The following GABRB3 variants were observed in gnomAD, a reference collection of about 807,000 sequenced individuals.
GABRB3 encodes gamma-aminobutyric acid type A receptor subunit beta3, also known as gamma-aminobutyric acid receptor subunit beta-3.
In GABRB3, 14 loss-of-function variants were observed where a neutral mutation model predicts 52.1. That is an observed-to-expected ratio of 0.27 (90% CI 0.18 to 0.42). GABRB3 has a LOEUF of 0.42. Ranked by LOEUF, GABRB3 falls within the 10% of genes least tolerant of loss-of-function variation. The pLI, the probability that GABRB3 is intolerant of heterozygous loss-of-function variation, is 1.00. For missense variants in GABRB3, 307 were observed against 609.1 expected, an observed-to-expected ratio of 0.50 and a Z score of 5.22; for synonymous variants, 260 against 232.3, an observed-to-expected ratio of 1.12 and a Z score of -1.08.
chr15:26,654,391 C>T (rs192958492), intron 3 of GABRB3, among the ~76,000 whole-genome samples: 3,679 of 152,256 alleles, frequency 0.024, 60 homozygotes, highest in African/African-American at 0.041. Flanking sequence ...TGTGATCTGC[C>T]TGCCTTGGCC....
chr15:26,680,580 T>G (rs972402295), intron 3 of GABRB3, among the ~76,000 whole-genome samples: 2 of 152,224 alleles, frequency 1.3e-5, no homozygotes, highest in African/African-American at 2.4e-5. Context: ...TGCTTACCTT[T>G]CAGAGTAAAA....
intron 3 of GABRB3, among the ~76,000 whole-genome samples, chr15:26,667,224 C>CA (rs1887744244): frequency 6.6e-6 from 1 of 152,214 alleles, no homozygotes; most frequent in South Asian, 2.1e-4. Context: ...CGATTCCAGC[C>CA]AAAGTCTCCA....
At chr15:26,663,185 C>T (rs1356026968) in intron 3 of GABRB3, among the ~76,000 whole-genome samples, 1 of 152,100 alleles carries the variant, frequency 6.6e-6, no homozygotes, top group African/African-American at 2.4e-5. Flanking sequence ...CCTCGTGACC[C>T]CCTTCATAGC....
At chr15:26,746,995 TAAACAAAC>T (rs200868578) in intron 3 of GABRB3, among the ~76,000 whole-genome samples, 15 of 142,414 alleles carry the variant, frequency 1.1e-4, no homozygotes, top group Non-Finnish European at 1.4e-4. Flanking sequence ...TCAAAATAAA[TAAACAAAC>T]AAACAAACAA....
rs367761610 is a variant in GABRB3 at position 26,621,454 on chromosome 15, C to A, written c.321G>T (p.Thr107=). Residue 107 remains threonine (T), a synonymous_variant, in exon 4 of 9, where the codon ACG becomes ACT. Coordinates refer to ENST00000311550, the MANE Select transcript of GABRB3 (RefSeq NM_000814.6). This position sits in a 1 kb window ranked among gnomAD's most constrained non-coding sequence, Gnocchi z 4.1. ...GCTGGTCAGCCACTCGATTGTCAAGCGTGAGGTTGAGAGGGATCCCAGAAT... is the reference window on the plus strand; with the variant it reads ...GCTGGTCAGCCACTCGATTGTCAAGAGTGAGGTTGAGAGGGATCCCAGAAT... The part of the protein sequence containing the change: ...LAYSGIPLNL[T]LDNRVADQLW... 6 of 1,613,958 alleles carry A rather than the reference C, an allele frequency of 3.7e-6. No individual in the cohort carries two copies. The highest frequency in any genetic ancestry group is 5.1e-6 in the Non-Finnish European group (6 of 1,180,014).
Position 26,628,999 on chromosome 15 carries a change from C to T in GABRB3, c.241-7465G>A, listed in dbSNP as rs990895163. 3.2e-5 allele frequency: 49 copies of T among 1,536,052 alleles called. No individual in the cohort carries two copies. In the East Asian group the frequency reaches 9.8e-4, roughly 31 times the overall value. ...TACCTCTTCTGTCTGGTAGGTGGCC[C>T]ACATGGGGACACGAGGGAGTCTCCC... On this transcript the variant is annotated intron_variant, in intron 3 of 8. Transcript: ENST00000311550.
At chr15:26,758,535 G>A (rs940977110) in intron 3 of GABRB3, among the ~76,000 whole-genome samples, 4 of 152,312 alleles carry the variant, frequency 2.6e-5, no homozygotes, top group African/African-American at 9.6e-5. Context: ...CCTAAGGAGA[G>A]GTAAATGTCA....
intron 3 of GABRB3, chr15:26,642,613 C>T (rs1349970119): frequency 1.5e-6 from 1 of 687,962 alleles, no homozygotes; most frequent in Non-Finnish European, 2.2e-6. Context: ...TACACATAAT[C>T]CCCCCTCCTC....
intron 8 of GABRB3, among the ~76,000 whole-genome samples, chr15:26,555,247 T>C (rs1889709423): frequency 6.6e-6 from 1 of 151,840 alleles, no homozygotes; most frequent in Non-Finnish European, 1.5e-5. Context: ...CTGGCTTAGA[T>C]CTTGGAGGGA....
At chr15:26,561,894 T>G (rs1890002650) in intron 7 of GABRB3, among the ~76,000 whole-genome samples, 1 of 152,206 alleles carries the variant, frequency 6.6e-6, no homozygotes, top group African/African-American at 2.4e-5. Flanking sequence ...GGGTTAATGA[T>G]TTCATTCATC....
intron 4 of GABRB3, chr15:26,615,475 A>C (rs1018641111): frequency 5.1e-6 from 5 of 986,478 alleles, no homozygotes; most frequent in African/African-American, 1.7e-5. Context: ...AAGGGGCTAC[A>C]AGAGTCATGG....
At chr15:26,636,970 T>C (rs1893077903) in intron 3 of GABRB3, among the ~76,000 whole-genome samples, 1 of 152,158 alleles carries the variant, frequency 6.6e-6, no homozygotes, top group African/African-American at 2.4e-5. Flanking sequence ...CCTTGCACTC[T>C]TCTCTCCCAC....
intron 4 of GABRB3, among the ~76,000 whole-genome samples, chr15:26,619,531 G>C (rs1014310993): frequency 1.2e-4 from 13 of 111,526 alleles, no homozygotes; most frequent in Admixed American, 1.0e-3. Context: ...GGTGGGGGGA[G>C]GGGGGAGGGA....
At chr15:26,649,026 G>A (rs1299981834) in intron 3 of GABRB3, among the ~76,000 whole-genome samples, 1 of 152,024 alleles carries the variant, frequency 6.6e-6, no homozygotes, top group Non-Finnish European at 1.5e-5. Context: ...GATACAAAGG[G>A]TCTGGGCGAG....
intron 3 of GABRB3, among the ~76,000 whole-genome samples, chr15:26,752,136 A>G (rs1243124164): frequency 6.6e-6 from 1 of 152,204 alleles, no homozygotes; most frequent in Admixed American, 6.5e-5. Flanking sequence ...CTGTAACCAC[A>G]GTACCTAAGG....
chr15:26,615,590 A>G (rs1312739745), intron 4 of GABRB3: 6 of 549,758 alleles, frequency 1.1e-5, no homozygotes, highest in Non-Finnish European at 1.4e-5. Flanking sequence ...CAGTCATCAG[A>G]GTTAAGGATT....
intron 4 of GABRB3, among the ~76,000 whole-genome samples, chr15:26,594,154 C>T (rs1891310729): frequency 6.6e-6 from 1 of 151,290 alleles, no homozygotes; most frequent in Non-Finnish European, 1.5e-5. Context: ...TTTTCCCTTA[C>T]CTCTTTGAAT....
chr15:26,729,085 A>G, intron 3 of GABRB3, among the ~76,000 whole-genome samples: 1 of 152,052 alleles, frequency 6.6e-6, no homozygotes, highest in Non-Finnish European at 1.5e-5. Context: ...TATATTTATC[A>G]TTCAGATCTC....
intron 3 of GABRB3, among the ~76,000 whole-genome samples, chr15:26,685,155 A>G (rs1888362629): frequency 6.6e-6 from 1 of 152,144 alleles, no homozygotes; most frequent in South Asian, 2.1e-4. Context: ...TGAATTAACC[A>G]CGGGGCTTTG....
Sources: allele counts gnomAD v4.1 joint callset (sites outside exome capture counted in the v4.1 genomes callset), GRCh38; gene constraint gnomAD v4.1.1; non-coding constraint Gnocchi (gnomAD v3.1); transcripts MANE v1.5; gene names NCBI Gene and HGNC (gene_info 2026-07-23, HGNC 2026-07-21).